OSBPL10: variants seen among roughly 807,000 people sequenced by gnomAD.
OSBPL10 encodes the protein oxysterol binding protein like 10, also known as oxysterol-binding protein-related protein 10.
A neutral mutation model predicts 81.7 loss-of-function variants in OSBPL10; 49 were observed. The ratio of observed to expected loss-of-function variants is 0.60; its 90% confidence interval spans 0.48 to 0.76. The LOEUF (loss-of-function observed/expected upper bound fraction) is 0.76, where lower values mean the gene tolerates loss of function less well. Among genes scored for constraint, OSBPL10 ranks in the 30% least tolerant of loss-of-function variants. OSBPL10 has a pLI of 0.00. For synonymous variants in OSBPL10, 419 were observed against 383.6 expected (o/e 1.09, Z -1.08); for missense variants, 923 against 987.8 (o/e 0.93, Z 0.88).
intron 4 of OSBPL10, among the ~76,000 whole-genome samples, chr3:31,807,283 GA>G (rs1308349891): frequency 6.6e-6 from 1 of 152,074 alleles, no homozygotes; most frequent in Admixed American, 6.6e-5. Flanking sequence ...GGGAGGCTGG[GA>G]ATTGCTTGAA....
At chr3:31,921,694 A>G (rs1349563484) in intron 1 of OSBPL10, among the ~76,000 whole-genome samples, 1 of 152,208 alleles carries the variant, frequency 6.6e-6, no homozygotes, top group African/African-American at 2.4e-5. Context: ...CATTCCCTCA[A>G]GAAGGAGGAG....
chr3:31,746,782 A>T (rs1171590124), intron 5 of OSBPL10, among the ~76,000 whole-genome samples: 1 of 127,158 alleles, frequency 7.9e-6, no homozygotes, highest in Non-Finnish European at 1.6e-5. Flanking sequence ...ATGAGAACAC[A>T]TGGACACAGG....
chr3:31,766,337 GTTTTT>G (rs1259127969), intron 4 of OSBPL10, among the ~76,000 whole-genome samples: 1 of 26,780 alleles, frequency 3.7e-5, no homozygotes, highest in Admixed American at 5.9e-4. Flanking sequence ...TTGTTTTTTT[GTTTTT>G]TTTTGTTTTT....
In OSBPL10 at chr3:31,791,743, A is replaced by G. The variant is rs1699015616; in HGVS notation, c.729+38297T>C. 2.6e-5 allele frequency among the ~76,000 whole-genome samples: 4 copies of G among 152,202 alleles called. No homozygotes were observed. In the South Asian group the frequency reaches 8.3e-4, roughly 32 times the overall value. ...TTTATGCCCTAAAAAGCTAGTAACCACCAAGTGAGAAAAATAGACCACTAG... is the reference window on the plus strand; with the variant it reads ...TTTATGCCCTAAAAAGCTAGTAACCGCCAAGTGAGAAAAATAGACCACTAG... On this transcript the variant is annotated intron_variant, in intron 4 of 11. Coordinates refer to ENST00000396556, the MANE Select transcript of OSBPL10 (RefSeq NM_017784.5).
At chr3:32,002,035 T>C (rs1233804069) in intron 2 of OSBPL10, among the ~76,000 whole-genome samples, 1 of 152,202 alleles carries the variant, frequency 6.6e-6, no homozygotes, top group African/African-American at 2.4e-5. Flanking sequence ...AGGTTAGGGT[T>C]CAAACCCAGC....
intron 4 of OSBPL10, among the ~76,000 whole-genome samples, chr3:31,752,628 CA>C (rs960310775): frequency 1.9e-4 from 29 of 152,146 alleles, no homozygotes; most frequent in Non-Finnish European, 2.8e-4. Flanking sequence ...AAAAACAAGT[CA>C]AAAAAGCTGA....
At chr3:31,891,656 C>T (rs887140966) in intron 1 of OSBPL10, among the ~76,000 whole-genome samples, 2 of 152,162 alleles carry the variant, frequency 1.3e-5, no homozygotes, top group Non-Finnish European at 2.9e-5. Context: ...CAAGACAGAA[C>T]TTGAGAGCTT....
intron 2 of OSBPL10, among the ~76,000 whole-genome samples, chr3:32,039,683 T>C (rs927283297): frequency 3.3e-5 from 5 of 151,982 alleles, no homozygotes; most frequent in African/African-American, 9.7e-5. Context: ...TATAAATTAC[T>C]TAGATTATTT....
intron 1 of OSBPL10, among the ~76,000 whole-genome samples, chr3:31,890,880 G>C (rs958765364): frequency 5.3e-5 from 8 of 152,060 alleles, no homozygotes; most frequent in Middle Eastern, 6.3e-3. Flanking sequence ...GCTAAGTCCT[G>C]ATTCACGTCT....
chr3:32,043,737 A>C (rs544552131), intron 2 of OSBPL10, among the ~76,000 whole-genome samples: 57 of 152,358 alleles, frequency 3.7e-4, no homozygotes, highest in Admixed American at 1.7e-3. Flanking sequence ...ACAGCCATAA[A>C]AAGAATGAAA....
At position 31,748,077 on chromosome 3, in the gene OSBPL10, G is replaced by A; in HGVS notation, c.773C>T (p.Ala258Val). ...VEGQQKNLVH[A>V]IESLPGSGPL... is the part of the protein sequence containing the mutation. ...GCCGGACCCTGGCAGGGACTCAATG[G>A]CGTGCACAAGGTTCTTCTGCTGCCC... is the stretch of plus-strand genomic sequence containing the variant. The change falls in exon 5 of 12, where the codon GCC (alanine) becomes GTC (valine). Residue 258 changes from alanine to valine, a missense_variant. Ala to Val is a moderately conservative substitution (Grantham distance 64, BLOSUM62 0). This residue lies in a region of OSBPL10 where 514 missense variants were observed against 508.0 expected (regional missense o/e 1.01). Coordinates refer to ENST00000396556, the MANE Select transcript of OSBPL10 (RefSeq NM_017784.5). 6.2e-7 allele frequency: 1 copy of A among 1,614,102 alleles called. No homozygotes were observed.
At chr3:31,871,655 G>A (rs1380016214) in intron 3 of OSBPL10, among the ~76,000 whole-genome samples, 3 of 152,222 alleles carry the variant, frequency 2.0e-5, no homozygotes, top group Non-Finnish European at 4.4e-5. Flanking sequence ...AGGATCGCTT[G>A]AGCCCATGAG....
intron 2 of OSBPL10, among the ~76,000 whole-genome samples, chr3:32,023,483 C>G (rs1322988745): frequency 6.6e-6 from 1 of 152,100 alleles, no homozygotes. Flanking sequence ...CCTTTATTAG[C>G]GGTGTGAAGA....
At chr3:31,712,200 T>C (rs181793792) in intron 6 of OSBPL10, among the ~76,000 whole-genome samples, 1 of 152,308 alleles carries the variant, frequency 6.6e-6, no homozygotes, top group Admixed American at 6.5e-5. Context: ...AATTTCTAAA[T>C]GTATGTTTCC....
intron 1 of OSBPL10, among the ~76,000 whole-genome samples, chr3:31,883,473 C>T (rs1425475581): frequency 6.6e-6 from 1 of 151,702 alleles, no homozygotes; most frequent in Non-Finnish European, 1.5e-5. Context: ...CTCCTGACCT[C>T]AGGTGATCTG....
At chr3:32,046,380 C>T (rs1395817483) in intron 2 of OSBPL10, 2 of 152,224 alleles carry the variant, frequency 1.3e-5, no homozygotes, top group Non-Finnish European at 2.9e-5. Flanking sequence ...TTTAGCTCTT[C>T]CACCTTTAGA....
chr3:31,852,184 C>T (rs140822502), intron 3 of OSBPL10, among the ~76,000 whole-genome samples: 117 of 152,286 alleles, frequency 7.7e-4, no homozygotes, highest in African/African-American at 2.6e-3. Flanking sequence ...GAGATAAGAC[C>T]TACCCGCAAG....
At chr3:31,811,806 G>A (rs1699688191) in intron 4 of OSBPL10, among the ~76,000 whole-genome samples, 2 of 152,122 alleles carry the variant, frequency 1.3e-5, no homozygotes, top group South Asian at 4.2e-4. Context: ...CATCAGAGTA[G>A]GATGCTGGGA....
chr3:31,689,612 G>A (rs962044602), intron 7 of OSBPL10, among the ~76,000 whole-genome samples: 1 of 152,188 alleles, frequency 6.6e-6, no homozygotes, highest in Non-Finnish European at 1.5e-5. Context: ...GAGGGACCCA[G>A]TGGGAGGTAA....
Sources: gnomAD v4.1 joint callset for allele counts (sites outside exome capture counted in the v4.1 genomes callset) on GRCh38, gnomAD v4.1.1 for gene constraint, gnomAD v4.1.1 regional missense constraint, MANE v1.5 for transcripts, NCBI Gene and HGNC (gene_info 2026-07-23, HGNC 2026-07-21) for gene names.